The following ZNF737 variants were observed in gnomAD, a reference collection of about 807,000 sequenced individuals.
ZNF737 encodes zinc finger protein 102 (Y3).
Under a neutral mutation model 11.7 loss-of-function variants are expected in ZNF737, and 13 were observed. The observed-to-expected ratio is 1.11, with a 90% CI of 0.73 to 1.77. The LOEUF (loss-of-function observed/expected upper bound fraction) is 1.77, where lower values mean the gene tolerates loss of function less well. Among genes scored for constraint, ZNF737 ranks in the 40% most tolerant of loss-of-function variants. The pLI is 0.00. For missense variants in ZNF737, 636 were observed against 638.0 expected, an observed-to-expected ratio of 1.00 and a Z score of 0.03; for synonymous variants, 217 against 216.2, an observed-to-expected ratio of 1.00 and a Z score of -0.03.
At chr19:20,565,085 T>C (rs1555763456) in intron 1 of ZNF737, among the ~76,000 whole-genome samples, 1 of 151,924 alleles carries the variant, frequency 6.6e-6, no homozygotes, top group Admixed American at 6.6e-5. Flanking sequence ...CAGACATCTG[T>C]CATCACACCC....
At chr19:20,562,401 G>C (rs1969132282) in intron 1 of ZNF737, among the ~76,000 whole-genome samples, 1 of 150,442 alleles carries the variant, frequency 6.6e-6, no homozygotes, top group Non-Finnish European at 1.5e-5. Context: ...GAGTGCACTG[G>C]TGTGATCTCG....
chr19:20,536,015 A>G (rs782690898), downstream of ZNF737: 123 of 896,748 alleles, frequency 1.4e-4, no homozygotes, highest in Non-Finnish European at 1.5e-4. Flanking sequence ...TCTTCAGCCA[A>G]TGGATGAAAA....
intron 3 of ZNF737, among the ~76,000 whole-genome samples, chr19:20,548,074 A>G (rs548540049): frequency 6.3e-4 from 96 of 152,202 alleles, no homozygotes; most frequent in African/African-American, 2.2e-3. Context: ...CCCAGAAGGC[A>G]GAGGTTGCAG....
chr19:20,544,447 A>C lies in ZNF737; in HGVS notation c.*145T>G. ...ATTTGTTGGGTTTCTTTCCCGCATGAATTATCTAATGTCTACTAAGGTTTG... is the reference window on the plus strand; with the variant it reads ...ATTTGTTGGGTTTCTTTCCCGCATGCATTATCTAATGTCTACTAAGGTTTG... On this transcript the variant is annotated 3_prime_UTR_variant, in exon 4 of 4. Transcript: ENST00000427401. The C allele has an allele frequency of 6.8e-7, 1 of 1,479,686 alleles. No individual in the cohort carries two copies. The highest frequency in any genetic ancestry group is 8.9e-7 in the Non-Finnish European group (1 of 1,122,774). The allele number at this position is 1,479,686 out of a possible 1,614,324, so 91.7% of individuals were successfully genotyped here. A position where few individuals can be genotyped will look rare whatever the true frequency, so the allele number is the denominator to read the frequency against.
Position 20,540,891 on chromosome 19 carries a change from A to G in ZNF737, c.*3701T>C, listed in dbSNP as rs1555754964. 6 of 962,234 alleles carry G rather than the reference A, an allele frequency of 6.2e-6. No homozygotes were observed. In the South Asian group the frequency reaches 2.9e-4, roughly 46 times the overall value. 59.6% of individuals were successfully genotyped at this position (962,234 alleles called of 1,614,324 possible). ...ATTTTTCTGGCTTAAATTATTTTTT[A>G]TGCACCATTTATACATTCACACACA... On this transcript the variant is annotated 3_prime_UTR_variant, in exon 4 of 4. Coordinates refer to ENST00000427401, the MANE Select transcript of ZNF737 (RefSeq NM_001159293.2).
At position 20,548,740 on chromosome 19, in the gene ZNF737, CTAT is replaced by C. The variant is rs1555757561; in HGVS notation, c.227-2767_227-2765del. Among the ~76,000 whole-genome samples the C allele has an allele frequency of 8.5e-5, 10 of 117,726 alleles. No homozygotes were observed. In the South Asian group the frequency reaches 2.5e-3, roughly 30 times the overall value. 77.2% of individuals were successfully genotyped at this position (117,726 alleles called of 152,430 possible). Reference sequence around the variant, plus strand: ...CACAGCTGCACATCACTATGGCTGGCTATTATTATTATTATTTTTTATAGAGAG... The same window carrying C: ...CACAGCTGCACATCACTATGGCTGGCTATTATTATTATTTTTTATAGAGAG... On this transcript the variant is annotated intron_variant, in intron 3 of 3. Transcript: ENST00000427401.
Position 20,552,548 on chromosome 19 carries a change from G to T in ZNF737, c.153C>A (p.Asp51Glu). ...TTCCTTGCTCCAGACAGGTGATGAG[G>T]TCTGGCTTAGAGACAACAATACCTG... The part of the protein sequence containing the change: ...VFLGIVVSKP[D>E]LITCLEQGKK... Residue 51 changes from aspartate (D) to glutamate (E), a missense_variant, in exon 3 of 4, where the codon GAC becomes GAA. Asp to Glu is a conservative substitution (Grantham distance 45). Coordinates refer to ENST00000427401, the MANE Select transcript of ZNF737 (RefSeq NM_001159293.2). 6.3e-7 allele frequency: 1 copy of T among 1,587,382 alleles called. No individual in the cohort carries two copies. The highest frequency in any genetic ancestry group is 1.2e-5 in the South Asian group (1 of 85,846).
rs1263388622 is a variant in ZNF737, at chr19:20,553,726, C to T, written c.113G>A (p.Arg38Lys). The T allele has an allele frequency of 1.2e-6, 2 of 1,613,740 alleles. No homozygotes were observed. Among genetic ancestry groups the T allele is most frequent in the Non-Finnish European group, 1.7e-6 (2 of 1,179,888 alleles). Residue 38 changes from arginine (R) to lysine (K), a missense_variant, in exon 2 of 4, where the codon AGA becomes AAA. Coordinates refer to ENST00000427401, the MANE Select transcript of ZNF737 (RefSeq NM_001159293.2). ...TTTCTCACCAAGGAAGACCAGGTTT[C>T]TGTAGTTCTCTAACATCACATTCCT... ...LYRNVMLENY[R>K]NLVFLGIVVS... is the part of the protein sequence containing the mutation.
In ZNF737 at chr19:20,538,069, T is replaced by C. The variant is rs1433400529; in HGVS notation, c.*6523A>G. On this transcript the variant is annotated 3_prime_UTR_variant, in exon 4 of 4. Coordinates refer to ENST00000427401, the MANE Select transcript of ZNF737 (RefSeq NM_001159293.2). ...TCAGTAATCACTCTGAACACAGCAT[T>C]CTCAGTTCACAGTGTAAAAAGTGAA... 2 of 982,782 alleles carry C rather than the reference T, an allele frequency of 2.0e-6. No homozygotes were observed. The highest frequency in any genetic ancestry group is 2.4e-6 in the Non-Finnish European group (2 of 827,546). 60.9% of individuals were successfully genotyped at this position (982,782 alleles called of 1,614,324 possible).
At chr19:20,553,653 G>A (rs1599424387) in intron 2 of ZNF737, 56 bp downstream of exon 2, 2 of 1,524,152 alleles carry the variant, frequency 1.3e-6, no homozygotes, top group Non-Finnish European at 1.8e-6. Context: ...TTCTACAAGA[G>A]AGAGAAATAA....
Position 20,545,735 on chromosome 19 carries a change from T to A in ZNF737, c.468A>T (p.Lys156Asn), listed in dbSNP as rs1555756852. 5.6e-6 allele frequency: 9 copies of A among 1,612,958 alleles called. No individual in the cohort carries two copies. Among genetic ancestry groups the A allele is most frequent in the African/African-American group, 1.3e-5 (1 of 74,910 alleles). The stretch of plus-strand genomic sequence containing the variant: ...TCTTATGTCTGTTTGAATTTGAAAA[T>A]TTATGAATGACTTTCACATATTTAT... ...QCDKYVKVIHKFSNSNRHKIR... is the reference protein window; with the variant it reads ...QCDKYVKVIHNFSNSNRHKIR... The change falls in exon 4 of 4, where the codon AAA (lysine) becomes AAT (asparagine). Residue 156 changes from lysine (K) to asparagine (N), a missense_variant. By Grantham distance (94) the Lys-to-Asn change is moderately conservative. Transcript: ENST00000427401.
chr19:20,548,512 G>A (rs1968537220), intron 3 of ZNF737, among the ~76,000 whole-genome samples: 1 of 152,162 alleles, frequency 6.6e-6, no homozygotes, highest in East Asian at 1.9e-4. Flanking sequence ...AGGGTAAAAT[G>A]AGCAGTTGTT....
intron 1 of ZNF737, among the ~76,000 whole-genome samples, chr19:20,554,508 A>G (rs1968811855): frequency 6.6e-6 from 1 of 152,220 alleles, no homozygotes; most frequent in South Asian, 2.1e-4. Flanking sequence ...AATAATGAAG[A>G]GAAAAATAAT....
chr19:20,549,356 G>A lies in ZNF737; in HGVS notation c.226+3119C>T, dbSNP rs1017547368. Among the ~76,000 whole-genome samples, 19 of 152,228 alleles carry A rather than the reference G, an allele frequency of 1.2e-4. 1 individual carries two copies. The highest frequency in any genetic ancestry group is 3.6e-4 in the African/African-American group (15 of 41,540). ...TAAGAAACCTACACTGAGGCCAGAG[G>A]CAGTAGGTCACATCTGTAATCCCAG... is the stretch of plus-strand genomic sequence containing the variant. On this transcript the variant is annotated intron_variant, in intron 3 of 3. Coordinates refer to ENST00000427401, the MANE Select transcript of ZNF737 (RefSeq NM_001159293.2).
intron 1 of ZNF737, among the ~76,000 whole-genome samples, chr19:20,562,619 A>G (rs1171126112): frequency 3.3e-5 from 5 of 151,626 alleles, no homozygotes; most frequent in Non-Finnish European, 7.4e-5. Flanking sequence ...CAGCCTCCCA[A>G]TAATTTTTGT....
At position 20,544,283 on chromosome 19, in the gene ZNF737, A is replaced by T; in HGVS notation, c.*309T>A. ...TTTGTAGGGTTTATGTTCCATATAA[A>T]TTCTCATATTTAGTAAAAGTTGATA... On this transcript the variant is annotated 3_prime_UTR_variant, in exon 4 of 4. Transcript: ENST00000427401. The T allele has an allele frequency of 2.5e-6, 3 of 1,187,134 alleles. No individual in the cohort carries two copies. The highest frequency in any genetic ancestry group is 3.1e-6 in the Non-Finnish European group (3 of 957,390). The allele number at this position is 1,187,134 out of a possible 1,614,324, so 73.5% of individuals were successfully genotyped here. A position where few individuals can be genotyped will look rare whatever the true frequency, so the allele number is the denominator to read the frequency against.
At chr19:20,530,333 G>A in the ZNF737 span, among the ~76,000 whole-genome samples, 16 of 142,048 alleles carry the variant, frequency 1.1e-4, 2 homozygotes, top group East Asian at 1.9e-3. Context: ...CCTCCCTCCC[G>A]GACGGGGCAG....
intron 3 of ZNF737, among the ~76,000 whole-genome samples, chr19:20,549,489 A>G (rs1968586844): frequency 6.6e-6 from 1 of 152,116 alleles, no homozygotes; most frequent in African/African-American, 2.4e-5. Flanking sequence ...TTAGCTGAGC[A>G]TGGTGGCTCA....
rs1968322030 is a variant in ZNF737 at position 20,543,926 on chromosome 19, G to A, written c.*666C>T. 18 of 807,042 alleles carry A rather than the reference G, an allele frequency of 2.2e-5. No individual in the cohort carries two copies. The highest frequency in any genetic ancestry group is 2.7e-5 in the Non-Finnish European group (18 of 668,140). 50.0% of individuals were successfully genotyped at this position (807,042 alleles called of 1,614,324 possible). ...GTGGATCACCTGAGGTCAGGAGTTC[G>A]AGACCAGCCTGGCAAACATGGCGAA... On this transcript the variant is annotated 3_prime_UTR_variant, in exon 4 of 4. Transcript: ENST00000427401.
Sources: gnomAD v4.1 joint callset for allele counts (sites outside exome capture counted in the v4.1 genomes callset) on GRCh38, gnomAD v4.1.1 for gene constraint, MANE v1.5 for transcripts, NCBI Gene and HGNC (gene_info 2026-07-23, HGNC 2026-07-21) for gene names.